DUS4L: variants seen among roughly 807,000 people sequenced by gnomAD.
The protein encoded by DUS4L is dihydrouridine synthase 4 like, also known as tRNA-dihydrouridine(20a/20b) synthase [NAD(P)+]-like.
DUS4L carries 31 observed loss-of-function variants against 33.8 expected under a neutral mutation model. That is an observed-to-expected ratio of 0.92 (90% CI 0.69 to 1.24). DUS4L has a LOEUF of 1.24. DUS4L is among the 50% of genes most tolerant of loss of function. The probability of loss-of-function intolerance (pLI) is 0.00; values close to 1 mark genes in which losing one functional copy is unlikely to be tolerated. For missense variants in DUS4L, 368 were observed against 388.6 expected (o/e 0.95, Z 0.45); for synonymous variants, 103 against 120.3 (o/e 0.86, Z 0.94).
At chr7:107,570,254 G>A (rs1216152404) in intron 3 of DUS4L, 1 of 152,118 alleles carries the variant, frequency 6.6e-6, no homozygotes, top group East Asian at 1.9e-4. Flanking sequence ...ATGATGTAGG[G>A]GAGTGGTGCC....
In DUS4L at chr7:107,577,411, C is replaced by T. The variant is rs914731906; in HGVS notation, c.805C>T (p.Leu269Phe). 3 of 1,614,094 alleles carry T rather than the reference C, an allele frequency of 1.9e-6. No individual in the cohort carries two copies. Among genetic ancestry groups the T allele is most frequent in the African/African-American group, 1.3e-5 (1 of 75,022 alleles). ...KCIWDWVDIA[L>F]ELGTPYMCFH... The stretch of plus-strand genomic sequence containing the variant: ...CATCTGGGACTGGGTTGACATTGCT[C>T]TTGAACTCGGGACTCCTTACATGTG... Residue 269 changes from leucine to phenylalanine, a missense_variant, in exon 8 of 8, where the codon CTT (leucine) becomes TTT (phenylalanine). Physicochemically the swap from Leu to Phe is conservative, Grantham distance 22. Coordinates refer to ENST00000265720, the MANE Select transcript of DUS4L (RefSeq NM_181581.3).
chr7:107,573,126 T>C (rs995645005), intron 4 of DUS4L, among the ~76,000 whole-genome samples: 1 of 152,248 alleles, frequency 6.6e-6, no homozygotes, highest in Non-Finnish European at 1.5e-5. Context: ...TATGTCTATA[T>C]TGGTAAACTC....
In DUS4L at chr7:107,576,341, G is replaced by A. The variant is rs779013284; in HGVS notation, c.480-25G>A. 7 of 1,593,338 alleles carry A rather than the reference G, an allele frequency of 4.4e-6. No individual in the cohort carries two copies. The South Asian group carries it at 6.9e-5, about 16-fold the overall frequency. On this transcript the variant is annotated intron_variant, in intron 6 of 7. Transcript: ENST00000265720. ...CATTAAGATTTGTGTGCTGTGAACA[G>A]ATAAATGTAATTTTGAAATTGTAGG... is the stretch of plus-strand genomic sequence containing the variant.
At chr7:107,564,324 T>C (rs1488842229) in intron 1 of DUS4L, 115 bp downstream of exon 1, 4 of 396,574 alleles carry the variant, frequency 1.0e-5, no homozygotes, top group African/African-American at 8.4e-5. Context: ...GGAGCTTCGT[T>C]TGCCCTCCAC....
At chr7:107,576,644 T>G in intron 7 of DUS4L, 52 bp downstream of exon 7, 7 of 1,414,330 alleles carry the variant, frequency 4.9e-6, no homozygotes, top group Non-Finnish European at 6.8e-6. Context: ...GAAATGAGAG[T>G]GGGGAAGTAA....
chr7:107,575,864 G>A (rs1034464160), intron 6 of DUS4L: 1 of 160,464 alleles, frequency 6.2e-6, no homozygotes, highest in African/African-American at 2.4e-5. Flanking sequence ...GCTAATTTTT[G>A]TATTTTTTAG....
chr7:107,564,101 C>A lies in DUS4L; in HGVS notation c.-219C>A. ...CGCCCAGGGTCCGAGTGCTCTGCGCCCAGCGCACCGAGGGAGCCAAGGCCG... is the reference window on the plus strand; with the variant it reads ...CGCCCAGGGTCCGAGTGCTCTGCGCACAGCGCACCGAGGGAGCCAAGGCCG... On this transcript the variant is annotated 5_prime_UTR_variant, in exon 1 of 8. Coordinates refer to ENST00000265720, the MANE Select transcript of DUS4L (RefSeq NM_181581.3). 1.6e-6 allele frequency: 2 copies of A among 1,230,074 alleles called. No homozygotes were observed. The highest frequency in any genetic ancestry group is 2.3e-6 in the Non-Finnish European group (2 of 877,048). The allele number at this position is 1,230,074 out of a possible 1,614,324, so 76.2% of individuals were successfully genotyped here. A position where few individuals can be genotyped will look rare whatever the true frequency, so the allele number is the denominator to read the frequency against.
chr7:107,572,390 A>T (rs980666095), intron 4 of DUS4L, among the ~76,000 whole-genome samples: 2 of 152,348 alleles, frequency 1.3e-5, no homozygotes, highest in African/African-American at 4.8e-5. Context: ...AACTAGGATG[A>T]TGCCCACAAA....
intron 5 of DUS4L, among the ~76,000 whole-genome samples, chr7:107,574,095 C>A (rs1805513048): frequency 1.3e-5 from 2 of 152,136 alleles, no homozygotes; most frequent in African/African-American, 4.8e-5. Context: ...CCTTGAATCT[C>A]ATCCCTAAGT....
rs985171497 is a variant in DUS4L, at chr7:107,577,954, A to G, written c.*394A>G. The stretch of plus-strand genomic sequence containing the variant: ...GGCTTATAGTATCTATAAATTAACA[A>G]GAAGTATGCAGGTGCAAAAAAGTGG... On this transcript the variant is annotated 3_prime_UTR_variant, in exon 8 of 8. Transcript: ENST00000265720. The G allele has an allele frequency of 6.5e-6, 1 of 154,492 alleles. No homozygotes were observed. Among genetic ancestry groups the G allele is most frequent in the Non-Finnish European group, 1.4e-5 (1 of 69,410 alleles). 9.6% of individuals were successfully genotyped at this position (154,492 alleles called of 1,614,324 possible).
rs1220691817 is a variant in DUS4L at position 107,567,134 on chromosome 7, T to A, written c.64T>A (p.Phe22Ile). The change falls in exon 3 of 8, where the codon TTT (phenylalanine) becomes ATT (isoleucine). Residue 22 changes from phenylalanine (F) to isoleucine (I), a missense_variant. Physicochemically the swap from Phe to Ile is conservative, Grantham distance 21. Coordinates refer to ENST00000265720, the MANE Select transcript of DUS4L (RefSeq NM_181581.3). ...AAGAAAAAAAGATCCCATAGAAATG[T>A]TTCATTCTGGACAGCTGGTAAAAGT... The part of the protein sequence containing the change: ...QERKKDPIEM[F>I]HSGQLVKVCA... The A allele has an allele frequency of 6.2e-7, 1 of 1,613,656 alleles. No individual in the cohort carries two copies.
At chr7:107,567,577 T>G (rs906773905) in intron 3 of DUS4L, among the ~76,000 whole-genome samples, 2 of 152,198 alleles carry the variant, frequency 1.3e-5, no homozygotes, top group African/African-American at 4.8e-5. Context: ...CTTCGTATCT[T>G]TTGCTCATCT....
chr7:107,573,593 G>T (rs1805458367), intron 4 of DUS4L, 111 bp from the exon 5 acceptor site: 14 of 1,026,466 alleles, frequency 1.4e-5, no homozygotes, highest in Non-Finnish European at 1.9e-5. Context: ...ATGCTTCTTA[G>T]GCTAAAAAAT....
At chr7:107,571,297 A>C (rs746300248) in intron 4 of DUS4L, 31 bp downstream of exon 4, 1 of 1,581,434 alleles carries the variant, frequency 6.3e-7, no homozygotes, top group South Asian at 1.2e-5. Context: ...TGACTTTGTA[A>C]AACTTTTTAA....
At chr7:107,564,957 A>G (rs538217501) in intron 2 of DUS4L, among the ~76,000 whole-genome samples, 1 of 152,206 alleles carries the variant, frequency 6.6e-6, no homozygotes, top group African/African-American at 2.4e-5. Flanking sequence ...CGCTGTTCTA[A>G]GTATTTTATA....
In DUS4L at chr7:107,564,015, A is replaced by T; in HGVS notation, c.-305A>T. 1 of 1,531,210 alleles carries T rather than the reference A, an allele frequency of 6.5e-7. No homozygotes were observed. Among genetic ancestry groups the T allele is most frequent in the Non-Finnish European group, 8.8e-7 (1 of 1,138,744 alleles). The allele number at this position is 1,531,210 out of a possible 1,614,324, so 94.9% of individuals were successfully genotyped here. On this transcript the variant is annotated 5_prime_UTR_variant, in exon 1 of 8. Coordinates refer to ENST00000265720, the MANE Select transcript of DUS4L (RefSeq NM_181581.3). ...GGCTCCAGGCCCACCTGGCGAACTG[A>T]CTCTCAGCCCGCGCCTGGGCTAAGC...
intron 4 of DUS4L, 53 bp from the exon 5 acceptor site, chr7:107,573,651 G>T: frequency 6.4e-7 from 1 of 1,567,156 alleles, no homozygotes; most frequent in East Asian, 2.3e-5. Context: ...TGGTGTGTGT[G>T]TGCATGGGGT....
intron 6 of DUS4L, 194 bp downstream of exon 6, chr7:107,575,504 T>C: frequency 2.1e-6 from 1 of 484,844 alleles, no homozygotes. Flanking sequence ...AAAAACTTCC[T>C]CTTTGTACTT....
At chr7:107,573,104 T>C (rs1805410769) in intron 4 of DUS4L, among the ~76,000 whole-genome samples, 1 of 152,216 alleles carries the variant, frequency 6.6e-6, no homozygotes, top group Non-Finnish European at 1.5e-5. Context: ...AGAACTTTTA[T>C]CCATATTGGT....
Sources: gnomAD v4.1 joint callset for allele counts (sites outside exome capture counted in the v4.1 genomes callset) on GRCh38, gnomAD v4.1.1 for gene constraint, MANE v1.5 for transcripts, NCBI Gene and HGNC (gene_info 2026-07-23, HGNC 2026-07-21) for gene names.